Variants in SMYD3 observed in about 807,000 individuals in gnomAD.
The protein encoded by SMYD3 is SET and MYND domain containing 3.
Under a neutral mutation model 57.7 loss-of-function variants are expected in SMYD3, and 36 were observed. The observed-to-expected ratio is 0.62, with a 90% CI of 0.48 to 0.82. The LOEUF is 0.82. SMYD3 is among the 40% of genes least tolerant of loss of function. The pLI, the probability that SMYD3 is intolerant of heterozygous loss-of-function variation, is 0.00. For missense variants in SMYD3, 515 were observed against 538.8 expected (o/e 0.96, Z 0.44); for synonymous variants, 211 against 195.0 (o/e 1.08, Z -0.68).
rs1207583453 is a variant in SMYD3 at position 246,245,560 on chromosome 1, A to G, written c.531+81641T>C. ...CACACTTAGGAAAATCTCAACCCTTAAAGAGAGAAATGAAATAGAAATTTT... is the reference window on the plus strand; with the variant it reads ...CACACTTAGGAAAATCTCAACCCTTGAAGAGAGAAATGAAATAGAAATTTT... On this transcript the variant is annotated intron_variant, in intron 5 of 11. Transcript: ENST00000490107. Among the ~76,000 whole-genome samples, 3 of 152,314 alleles carry G rather than the reference A, an allele frequency of 2.0e-5. 1 individual carries two copies. The highest frequency in any genetic ancestry group is 7.2e-5 in the African/African-American group (3 of 41,580).
intron 5 of SMYD3, among the ~76,000 whole-genome samples, chr1:245,950,629 C>T (rs191882832): frequency 1.1e-4 from 16 of 152,160 alleles, no homozygotes; most frequent in South Asian, 2.1e-4. Context: ...CCGAGTCGGT[C>T]GTCATAGAAT....
At chr1:246,221,518 C>T (rs1179059455) in intron 5 of SMYD3, among the ~76,000 whole-genome samples, 3 of 152,204 alleles carry the variant, frequency 2.0e-5, no homozygotes, top group Non-Finnish European at 1.5e-5. Context: ...GCTCCCTGAG[C>T]CAGGGCTGTG....
chr1:246,138,843 T>C (rs1205127042), intron 5 of SMYD3, among the ~76,000 whole-genome samples: 3 of 152,208 alleles, frequency 2.0e-5, no homozygotes, highest in Admixed American at 6.5e-5. Context: ...CTGTCAAGTT[T>C]GCTAGACATA....
At chr1:245,762,005 G>T (rs2045866711) in intron 11 of SMYD3, among the ~76,000 whole-genome samples, 1 of 151,978 alleles carries the variant, frequency 6.6e-6, no homozygotes, top group South Asian at 2.1e-4. Flanking sequence ...GACTGGTCTT[G>T]AACCCCTGAC....
chr1:246,319,675 C>T (rs558168251), intron 5 of SMYD3, among the ~76,000 whole-genome samples: 1 of 152,288 alleles, frequency 6.6e-6, no homozygotes, highest in African/African-American at 2.4e-5. Context: ...ACACTCCTGA[C>T]CTTTCAAAAC....
At chr1:245,816,986 G>A (rs1289699372) in intron 10 of SMYD3, among the ~76,000 whole-genome samples, 1 of 151,552 alleles carries the variant, frequency 6.6e-6, no homozygotes, top group Non-Finnish European at 1.5e-5. Context: ...GCCCGCCATT[G>A]CCCAGGCTTG....
chr1:246,087,116 T>C (rs1481464818), intron 5 of SMYD3, among the ~76,000 whole-genome samples: 1 of 152,214 alleles, frequency 6.6e-6, no homozygotes, highest in Non-Finnish European at 1.5e-5. Context: ...AAAGCTCCTC[T>C]ATCTGGCAGT....
At chr1:246,300,675 C>G (rs2064878730) in intron 5 of SMYD3, among the ~76,000 whole-genome samples, 1 of 151,908 alleles carries the variant, frequency 6.6e-6, no homozygotes, top group Non-Finnish European at 1.5e-5. Context: ...GGGCAAGTTC[C>G]TTCATCTTCC....
intron 5 of SMYD3, among the ~76,000 whole-genome samples, chr1:246,265,323 TAGAC>T (rs1406942448): frequency 2.0e-5 from 3 of 151,650 alleles, no homozygotes; most frequent in Admixed American, 6.6e-5. Flanking sequence ...TTTTTTGTAA[TAGAC>T]AGGGTCTCAC....
chr1:246,439,231 A>T (rs2067427995), intron 1 of SMYD3, among the ~76,000 whole-genome samples: 1 of 152,000 alleles, frequency 6.6e-6, no homozygotes. Context: ...CTAGGAAATG[A>T]GACTACAGGC....
intron 5 of SMYD3, among the ~76,000 whole-genome samples, chr1:245,990,775 A>T (rs1186031365): frequency 3.9e-5 from 6 of 152,074 alleles, no homozygotes; most frequent in Admixed American, 3.9e-4. Context: ...GTCCAGTGGG[A>T]CTCATGTCGG....
Position 246,444,742 on chromosome 1 carries a change from G to A in SMYD3, c.164+62312C>T, listed in dbSNP as rs964014569. 2.0e-5 allele frequency among the ~76,000 whole-genome samples: 3 copies of A among 152,136 alleles called. No individual in the cohort carries two copies. The East Asian group carries it at 5.8e-4, about 29-fold the overall frequency. On this transcript the variant is annotated intron_variant, in intron 1 of 11. Coordinates refer to ENST00000490107, the MANE Select transcript of SMYD3 (RefSeq NM_001167740.2). ...AGTGTATATATACACCCACTTTAAA[G>A]ACAACTAATCTAAAAAACAGCTCCA...
chr1:245,944,970 T>C (rs1349910221), intron 5 of SMYD3, among the ~76,000 whole-genome samples: 1 of 152,018 alleles, frequency 6.6e-6, no homozygotes, highest in Non-Finnish European at 1.5e-5. Flanking sequence ...TCCTTACACA[T>C]TATACAAAAA....
chr1:245,881,029 T>C (rs559827451), intron 8 of SMYD3, among the ~76,000 whole-genome samples: 1 of 152,340 alleles, frequency 6.6e-6, no homozygotes, highest in South Asian at 2.1e-4. Context: ...CTAAGGGCCC[T>C]TCCCATCCTG....
At chr1:246,169,956 C>T (rs1035559286) in intron 5 of SMYD3, among the ~76,000 whole-genome samples, 1 of 150,558 alleles carries the variant, frequency 6.6e-6, no homozygotes, top group African/African-American at 2.4e-5. Flanking sequence ...TACCTATAAA[C>T]TCATTTTTCA....
chr1:245,753,218 T>G (rs2045466442), intron 11 of SMYD3, among the ~76,000 whole-genome samples: 2 of 145,256 alleles, frequency 1.4e-5, no homozygotes, highest in Admixed American at 7.0e-5. Flanking sequence ...GAAATGGGTA[T>G]GGGTAGGGGC....
chr1:245,794,039 C>T lies in SMYD3; in HGVS notation c.1077-29890G>A, dbSNP rs117995994. ...CTGTCTCTTAATATTTAAATTTCAT[C>T]TTAATCATTTACATGTATGGTGATA... is the stretch of plus-strand genomic sequence containing the variant. On this transcript the variant is annotated intron_variant, in intron 10 of 11. Transcript: ENST00000490107. 7.7e-4 allele frequency among the ~76,000 whole-genome samples: 118 copies of T among 152,260 alleles called. 2 individuals are homozygous for T. In the East Asian group the frequency reaches 0.017, roughly 22 times the overall value.
chr1:245,769,842 T>C (rs2046267192), intron 10 of SMYD3, among the ~76,000 whole-genome samples: 1 of 103,458 alleles, frequency 9.7e-6, no homozygotes, highest in Admixed American at 1.2e-4. Flanking sequence ...TCTGTGGATG[T>C]TTAAGTCTCT....
chr1:246,339,209 C>A (rs767944976), intron 2 of SMYD3, among the ~76,000 whole-genome samples: 1 of 152,160 alleles, frequency 6.6e-6, no homozygotes, highest in Non-Finnish European at 1.5e-5. Context: ...ACTTGAGTTA[C>A]CAATACAACA....
Sources: allele counts gnomAD v4.1 joint callset (sites outside exome capture counted in the v4.1 genomes callset), GRCh38; gene constraint gnomAD v4.1.1; transcripts MANE v1.5; gene names NCBI Gene and HGNC (gene_info 2026-07-23, HGNC 2026-07-21).